The following KCNIP1 variants were observed in gnomAD, a reference collection of about 807,000 sequenced individuals.
KCNIP1 encodes A-type potassium channel modulatory protein KCNIP1.
In KCNIP1, 18 loss-of-function variants were observed where a neutral mutation model predicts 33.0. The observed-to-expected ratio is 0.55, with a 90% CI of 0.38 to 0.81. The LOEUF (loss-of-function observed/expected upper bound fraction) is 0.81. Among genes scored for constraint, KCNIP1 ranks in the 30% least tolerant of loss-of-function variants. KCNIP1 has a pLI of 0.00. For missense variants in KCNIP1, 238 were observed against 271.6 expected (o/e 0.88, Z 0.87); for synonymous variants, 93 against 98.3 (o/e 0.95, Z 0.32).
chr5:170,627,137 T>A (rs1258566949), intron 1 of KCNIP1, among the ~76,000 whole-genome samples: 7 of 152,146 alleles, frequency 4.6e-5, no homozygotes, highest in African/African-American at 1.7e-4. Flanking sequence ...TGTCTTGGAC[T>A]TTGCAGGGAG....
intron 1 of KCNIP1, chr5:170,669,647 C>T (rs1157916836): frequency 3.8e-5 from 37 of 985,412 alleles, no homozygotes; most frequent in Non-Finnish European, 4.5e-5. Flanking sequence ...TCTCGGACTT[C>T]GGAGAGTTCC....
chr5:170,682,752 A>T (rs556619197), intron 1 of KCNIP1, among the ~76,000 whole-genome samples: 1 of 148,144 alleles, frequency 6.8e-6, no homozygotes, highest in Non-Finnish European at 1.5e-5. Context: ...AAGATTGCAC[A>T]TTAATGCAAC....
chr5:170,633,841 T>C (rs1440286692), intron 1 of KCNIP1, among the ~76,000 whole-genome samples: 3 of 151,194 alleles, frequency 2.0e-5, no homozygotes, highest in South Asian at 2.1e-4. Context: ...AGGAGAGCCA[T>C]TGGAGAGCTT....
intron 1 of KCNIP1, among the ~76,000 whole-genome samples, chr5:170,704,961 T>C (rs1763208754): frequency 6.6e-6 from 1 of 152,212 alleles, no homozygotes; most frequent in South Asian, 2.1e-4. Flanking sequence ...TTATTGGCCT[T>C]TCACTGATTG....
intron 1 of KCNIP1, among the ~76,000 whole-genome samples, chr5:170,423,454 A>G (rs1055150257): frequency 6.6e-6 from 1 of 152,204 alleles, no homozygotes; most frequent in African/African-American, 2.4e-5. Flanking sequence ...AAGGGAACCC[A>G]TATCCTGAAT....
At chr5:170,501,551 G>A (rs1757413753), upstream of KCNIP1, among the ~76,000 whole-genome samples, 2 of 152,222 alleles carry the variant, frequency 1.3e-5, no homozygotes, top group African/African-American at 2.4e-5. Flanking sequence ...TGCTATTTCT[G>A]ATCTGCAAAA....
intron 1 of KCNIP1, among the ~76,000 whole-genome samples, chr5:170,498,123 G>A (rs1757346016): frequency 6.6e-6 from 1 of 152,216 alleles, no homozygotes; most frequent in Non-Finnish European, 1.5e-5. Flanking sequence ...CTTCCTCCTG[G>A]GGAGGTAGGG....
chr5:170,570,293 G>C (rs1757358163), intron 1 of KCNIP1, among the ~76,000 whole-genome samples: 1 of 152,182 alleles, frequency 6.6e-6, no homozygotes, highest in South Asian at 2.1e-4. Context: ...GTCTTCTTCT[G>C]ATCATGCTTT....
At chr5:170,419,060 A>G (rs147337820) in intron 1 of KCNIP1, among the ~76,000 whole-genome samples, 1 of 152,250 alleles carries the variant, frequency 6.6e-6, no homozygotes. Context: ...GAACAGGTGC[A>G]AAGTCTACGT....
chr5:170,615,369 G>C (rs919122914), intron 1 of KCNIP1, among the ~76,000 whole-genome samples: 2 of 152,202 alleles, frequency 1.3e-5, no homozygotes, highest in Non-Finnish European at 2.9e-5. Flanking sequence ...TAAGACCGTG[G>C]CTCCTTCGCA....
chr5:170,473,345 T>C (rs567533515), intron 1 of KCNIP1, among the ~76,000 whole-genome samples: 1 of 152,322 alleles, frequency 6.6e-6, no homozygotes, highest in East Asian at 1.9e-4. Context: ...TACTTGTTAC[T>C]AATATTGTAA....
chr5:170,518,992 T>G (rs946292621), intron 1 of KCNIP1, among the ~76,000 whole-genome samples: 3 of 152,034 alleles, frequency 2.0e-5, no homozygotes, highest in African/African-American at 7.2e-5. Flanking sequence ...TGCCAGTGCC[T>G]CCACAGCCCA....
At chr5:170,615,142 G>A (rs1208894310) in intron 1 of KCNIP1, among the ~76,000 whole-genome samples, 2 of 152,228 alleles carry the variant, frequency 1.3e-5, no homozygotes, top group Admixed American at 6.5e-5. Flanking sequence ...TTGAACCCGG[G>A]AGGTGGAGTT....
At chr5:170,603,920 G>A (rs1758797193) in intron 1 of KCNIP1, among the ~76,000 whole-genome samples, 1 of 152,228 alleles carries the variant, frequency 6.6e-6, no homozygotes. Context: ...TTCACTGTTA[G>A]GGGGTAGATT....
chr5:170,466,690 C>G (rs1756615327), intron 1 of KCNIP1, among the ~76,000 whole-genome samples: 1 of 152,124 alleles, frequency 6.6e-6, no homozygotes, highest in Non-Finnish European at 1.5e-5. Context: ...CTCATAGATG[C>G]TGCCTTCTGG....
intron 1 of KCNIP1, among the ~76,000 whole-genome samples, chr5:170,462,189 G>C (rs1042401317): frequency 6.7e-6 from 1 of 148,470 alleles, no homozygotes; most frequent in Non-Finnish European, 1.5e-5. Context: ...CCAGAGAGTG[G>C]GAGAAAATCT....
At chr5:170,711,468 A>T (rs548796048) in intron 1 of KCNIP1, among the ~76,000 whole-genome samples, 63 of 152,336 alleles carry the variant, frequency 4.1e-4, no homozygotes, top group African/African-American at 1.5e-3. Flanking sequence ...ATTCTGCGTA[A>T]TGCTGTAACA....
At chr5:170,548,732 C>T (rs1049541650) in intron 1 of KCNIP1, among the ~76,000 whole-genome samples, 3 of 152,182 alleles carry the variant, frequency 2.0e-5, no homozygotes, top group Non-Finnish European at 1.5e-5. Context: ...GGGACCTCTT[C>T]CCACTTGGTA....
At chr5:170,570,675 G>A (rs181076494) in intron 1 of KCNIP1, among the ~76,000 whole-genome samples, 22 of 152,330 alleles carry the variant, frequency 1.4e-4, no homozygotes, top group African/African-American at 3.6e-4. Flanking sequence ...CTGTGGCCCC[G>A]TGCCAGGCGG....
Sources: gnomAD v4.1 joint callset for allele counts (sites outside exome capture counted in the v4.1 genomes callset) on GRCh38, gnomAD v4.1.1 for gene constraint, MANE v1.5 for transcripts, NCBI Gene and HGNC (gene_info 2026-07-23, HGNC 2026-07-21) for gene names.